Variants in FGF14 observed in about 807,000 individuals in gnomAD.
FGF14 encodes the protein fibroblast growth factor homologous factor 4.
Under a neutral mutation model 25.5 loss-of-function variants are expected in FGF14, and 5 were observed. The ratio of observed to expected loss-of-function variants is 0.20; its 90% CI spans 0.10 to 0.41. FGF14 has a LOEUF of 0.41. FGF14 is among the 10% of genes least tolerant of loss of function. The probability of loss-of-function intolerance (pLI) is 1.00; values close to 1 mark genes in which losing one functional copy is unlikely to be tolerated. For synonymous variants in FGF14, 138 were observed against 118.3 expected (o/e 1.17, Z -1.08); for missense variants, 222 against 320.1 (o/e 0.69, Z 2.34).
chr13:102,158,567 GT>G (rs531466209), intron 1 of FGF14, among the ~76,000 whole-genome samples: 150 of 151,920 alleles, frequency 9.9e-4, no homozygotes, highest in African/African-American at 3.4e-3. Flanking sequence ...TATACCTAAT[GT>G]TAAATGATGA....
intron 3 of FGF14, among the ~76,000 whole-genome samples, chr13:101,803,985 T>G (rs1173713239): frequency 6.6e-6 from 1 of 151,644 alleles, no homozygotes; most frequent in African/African-American, 2.4e-5. Context: ...GGAATAGGTG[T>G]GTGAGGCTGG....
At chr13:101,989,067 T>A (rs1304576214) in intron 1 of FGF14, among the ~76,000 whole-genome samples, 1 of 152,038 alleles carries the variant, frequency 6.6e-6, no homozygotes, top group Admixed American at 6.6e-5. Flanking sequence ...CCTCAGTTTT[T>A]CAATCTTTCT....
intron 1 of FGF14, among the ~76,000 whole-genome samples, chr13:101,939,781 C>T (rs937604044): frequency 1.3e-5 from 2 of 152,092 alleles, no homozygotes; most frequent in African/African-American, 4.8e-5. Flanking sequence ...TGTATTTAAT[C>T]TAGTTTATTG....
chr13:102,278,645 T>TATATATATATAC (rs1452733538), intron 1 of FGF14, among the ~76,000 whole-genome samples: 12 of 147,040 alleles, frequency 8.2e-5, no homozygotes, highest in South Asian at 4.3e-4. Context: ...TATATATATA[T>TATATATATATAC]ACATACACAC....
chr13:102,399,942 G>T (rs960811766), intron 1 of FGF14, among the ~76,000 whole-genome samples: 2 of 152,146 alleles, frequency 1.3e-5, no homozygotes, highest in Admixed American at 6.5e-5. Context: ...CTCCGCCCCA[G>T]CATAGGAGCC....
intron 1 of FGF14, among the ~76,000 whole-genome samples, chr13:101,911,040 A>G (rs773397713): frequency 1.1e-4 from 17 of 152,072 alleles, no homozygotes; most frequent in Non-Finnish European, 7.4e-5. Context: ...GAATTCCATA[A>G]CTAAGTGGAT....
At chr13:101,783,495 A>G (rs1296918176) in intron 3 of FGF14, among the ~76,000 whole-genome samples, 1 of 151,398 alleles carries the variant, frequency 6.6e-6, no homozygotes, top group East Asian at 1.9e-4. Flanking sequence ...ATCTGTCCAT[A>G]TCCTTTGCCC....
chr13:101,746,911 A>T, intron 3 of FGF14, among the ~76,000 whole-genome samples: 1 of 152,068 alleles, frequency 6.6e-6, no homozygotes, highest in Middle Eastern at 3.2e-3. Flanking sequence ...CAATAGTTAC[A>T]GCAAGAAACA....
At chr13:102,301,664 T>C (rs1173661070) in intron 1 of FGF14, among the ~76,000 whole-genome samples, 1 of 152,066 alleles carries the variant, frequency 6.6e-6, no homozygotes, top group African/African-American at 2.4e-5. Flanking sequence ...TCTGCATGCA[T>C]GCAGATGAGC....
At chr13:102,029,498 T>C (rs142409675) in intron 1 of FGF14, among the ~76,000 whole-genome samples, 7 of 152,140 alleles carry the variant, frequency 4.6e-5, no homozygotes, top group Middle Eastern at 3.4e-3. Context: ...TATAGCATCA[T>C]GTGTGTAGAT....
At chr13:102,289,023 A>T (rs1402660130) in intron 1 of FGF14, among the ~76,000 whole-genome samples, 3 of 152,068 alleles carry the variant, frequency 2.0e-5, no homozygotes, top group Non-Finnish European at 2.9e-5. Flanking sequence ...GCATTATAGG[A>T]TGTCACTAAA....
intron 3 of FGF14, chr13:101,802,445 TG>T (rs1371862386): frequency 1.5e-5 from 3 of 194,220 alleles, no homozygotes; most frequent in African/African-American, 7.1e-5. Flanking sequence ...AGGAGGAGGA[TG>T]AAAAAAAAAC....
intron 1 of FGF14, among the ~76,000 whole-genome samples, chr13:102,027,814 C>T (rs1488217936): frequency 6.6e-6 from 1 of 151,954 alleles, no homozygotes; most frequent in Non-Finnish European, 1.5e-5. Flanking sequence ...TCACGATTTA[C>T]CTGTATTTAT....
At chr13:102,062,120 A>T (rs1318896063) in intron 1 of FGF14, among the ~76,000 whole-genome samples, 1 of 152,260 alleles carries the variant, frequency 6.6e-6, no homozygotes, top group Non-Finnish European at 1.5e-5. Flanking sequence ...GTCTATGCAA[A>T]AAATAAGAAT....
At chr13:102,178,104 C>A (rs1441643962) in intron 1 of FGF14, among the ~76,000 whole-genome samples, 1 of 152,036 alleles carries the variant, frequency 6.6e-6, no homozygotes, top group Non-Finnish European at 1.5e-5. Flanking sequence ...TCGACCAGCT[C>A]CCTCATATCC....
chr13:102,105,647 GTTTCA>G (rs2140301699), intron 1 of FGF14, among the ~76,000 whole-genome samples: 1 of 152,248 alleles, frequency 6.6e-6, no homozygotes, highest in Admixed American at 6.5e-5. Flanking sequence ...CATGAAAACT[GTTTCA>G]TTTATTTTGT....
intron 1 of FGF14, among the ~76,000 whole-genome samples, chr13:102,313,438 G>A (rs1014665188): frequency 2.6e-5 from 4 of 152,284 alleles, no homozygotes; most frequent in Middle Eastern, 3.4e-3. Context: ...GGGCACTCTC[G>A]TCTCAGGGAA....
intron 1 of FGF14, among the ~76,000 whole-genome samples, chr13:101,964,550 A>G (rs1195599405): frequency 6.6e-6 from 1 of 152,170 alleles, no homozygotes; most frequent in African/African-American, 2.4e-5. Flanking sequence ...ACACAACATG[A>G]ACAAAGAAAT....
rs572680494 is a variant in FGF14, at chr13:102,400,968, G to A, written c.208+503C>T. ...ACGCGGGGGCTGACGGAGGAGCGGG[G>A]CCGCGAGGGAGGGGGCCTCTTTTAC... On this transcript the variant is annotated intron_variant, in intron 1 of 4. Transcript: ENST00000376131. This position sits in a 1 kb window ranked among gnomAD's most constrained non-coding sequence, Gnocchi z 4.3. 4.6e-5 allele frequency among the ~76,000 whole-genome samples: 7 copies of A among 152,256 alleles called. No homozygotes were observed. The highest frequency in any genetic ancestry group is 2.1e-4 in the South Asian group (1 of 4,820).
Sources: allele counts gnomAD v4.1 joint callset (sites outside exome capture counted in the v4.1 genomes callset), GRCh38; gene constraint gnomAD v4.1.1; non-coding constraint Gnocchi (gnomAD v3.1); transcripts MANE v1.5; gene names NCBI Gene and HGNC (gene_info 2026-07-23, HGNC 2026-07-21).